Variants in MME observed in about 807,000 individuals in gnomAD.
The protein encoded by MME is membrane metalloendopeptidase, also known as neprilysin.
Under a neutral mutation model 113.2 loss-of-function variants are expected in MME, and 98 were observed. The ratio of observed to expected loss-of-function variants is 0.87; its 90% CI spans 0.74 to 1.02. MME has a LOEUF of 1.02. MME is among the 50% of genes least tolerant of loss of function. The pLI is 0.00. For missense variants in MME, 836 were observed against 896.0 expected (o/e 0.93, Z 0.86); for synonymous variants, 292 against 300.6 (o/e 0.97, Z 0.30).
chr3:155,128,420 T>A (rs1285555235), intron 8 of MME, among the ~76,000 whole-genome samples: 2 of 152,206 alleles, frequency 1.3e-5, no homozygotes, highest in Non-Finnish European at 2.9e-5. Flanking sequence ...TATTTCTGTC[T>A]TGTGTCTTAT....
intron 1 of MME, among the ~76,000 whole-genome samples, chr3:155,026,661 T>C (rs956643531): frequency 6.6e-6 from 1 of 152,056 alleles, no homozygotes; most frequent in Non-Finnish European, 1.5e-5. Flanking sequence ...CAGGCAGAGG[T>C]TGTACTGAGC....
chr3:155,167,141 T>G (rs1723161908), intron 18 of MME, 120 bp downstream of exon 18: 2 of 1,296,708 alleles, frequency 1.5e-6, no homozygotes, highest in Non-Finnish European at 2.2e-6. Context: ...TTCTCTAATT[T>G]TCACCACACT....
intron 20 of MME, among the ~76,000 whole-genome samples, chr3:155,171,407 T>C (rs1309694722): frequency 6.6e-6 from 1 of 152,166 alleles, no homozygotes; most frequent in Non-Finnish European, 1.5e-5. Context: ...TTGTATTAAA[T>C]TGGAAATGAC....
Position 155,181,909 on chromosome 3 carries a change from A to G in MME, c.*1450A>G, listed in dbSNP as rs1451031866. ...GTTCCCTGTCTCTTGAAAAATGCCC[A>G]TTTGCCTTTAAAAAAAAAAGTTACA... On this transcript the variant is annotated 3_prime_UTR_variant, in exon 23 of 23. Coordinates refer to ENST00000360490, the MANE Select transcript of MME (RefSeq NM_007289.4). 6.6e-6 allele frequency: 1 copy of G among 152,034 alleles called. No individual in the cohort carries two copies. The highest frequency in any genetic ancestry group is 1.5e-5 in the Non-Finnish European group (1 of 68,010). 9.4% of individuals were successfully genotyped at this position (152,034 alleles called of 1,614,324 possible). A position where few individuals can be genotyped will look rare whatever the true frequency, so the allele number is the denominator to read the frequency against.
chr3:155,032,633 A>G (rs1713007285), intron 1 of MME, among the ~76,000 whole-genome samples: 1 of 152,196 alleles, frequency 6.6e-6, no homozygotes. Context: ...ATGAACAAAA[A>G]CCATTCGTGC....
chr3:155,067,828 C>G (rs1271894225), intron 1 of MME, among the ~76,000 whole-genome samples: 1 of 152,084 alleles, frequency 6.6e-6, no homozygotes. Flanking sequence ...TTATACAGTA[C>G]TGGTGTGAAA....
chr3:155,078,661 G>GTC (rs1559902023), upstream of MME, among the ~76,000 whole-genome samples: 1 of 118,338 alleles, frequency 8.5e-6, no homozygotes, highest in Non-Finnish European at 1.7e-5. Context: ...GTGTGTGTAT[G>GTC]TGTGTGTGTG....
chr3:155,072,736 A>G (rs1051317734), intron 1 of MME, among the ~76,000 whole-genome samples: 2 of 152,210 alleles, frequency 1.3e-5, no homozygotes, highest in South Asian at 2.1e-4. Context: ...CTGCTACAGA[A>G]TCTTGCACAT....
At chr3:155,050,041 G>T (rs766967162) in intron 1 of MME, among the ~76,000 whole-genome samples, 8 of 152,060 alleles carry the variant, frequency 5.3e-5, no homozygotes, top group Non-Finnish European at 1.2e-4. Context: ...GTGTCCATGT[G>T]TTCTGGTTCT....
chr3:155,089,610 A>T (rs1341866284), intron 3 of MME, among the ~76,000 whole-genome samples: 4 of 152,190 alleles, frequency 2.6e-5, no homozygotes, highest in Admixed American at 2.6e-4. Context: ...CGGTCTCAAG[A>T]TGTTATCAAT....
At chr3:155,133,865 C>G (rs543442983) in intron 8 of MME, among the ~76,000 whole-genome samples, 2 of 148,184 alleles carry the variant, frequency 1.3e-5, no homozygotes, top group East Asian at 4.1e-4. Flanking sequence ...TTGGAAAATT[C>G]GAACTACCAT....
At chr3:155,058,576 T>C (rs1714019159) in intron 1 of MME, among the ~76,000 whole-genome samples, 1 of 152,136 alleles carries the variant, frequency 6.6e-6, no homozygotes, top group Non-Finnish European at 1.5e-5. Context: ...GCATTTAACT[T>C]AATAATTAGG....
At chr3:155,080,160 C>A (rs1714989078), upstream of MME, 1 of 152,376 alleles carries the variant, frequency 6.6e-6, no homozygotes, top group African/African-American at 2.4e-5. Flanking sequence ...AGGTCCAGCG[C>A]GATCCGAGCG....
intron 4 of MME, among the ~76,000 whole-genome samples, chr3:155,115,503 A>G (rs935809418): frequency 2.0e-5 from 3 of 152,192 alleles, no homozygotes; most frequent in Non-Finnish European, 4.4e-5. Context: ...ATCTCGGCTC[A>G]CTGCAACTTC....
intron 16 of MME, among the ~76,000 whole-genome samples, chr3:155,155,513 T>C (rs1349225675): frequency 5.3e-5 from 8 of 152,148 alleles, no homozygotes; most frequent in Admixed American, 4.6e-4. Flanking sequence ...CCCAATGCTA[T>C]ACCAAGGCCC....
intron 1 of MME, chr3:155,080,828 G>A (rs941185201): frequency 5.9e-5 from 9 of 152,168 alleles, no homozygotes; most frequent in Non-Finnish European, 1.5e-5. Context: ...GACTTGCAGC[G>A]TCAGCATTTG....
chr3:155,028,097 T>A (rs990734370), intron 1 of MME, among the ~76,000 whole-genome samples: 18 of 152,212 alleles, frequency 1.2e-4, no homozygotes, highest in African/African-American at 3.1e-4. Flanking sequence ...GACCATCATT[T>A]ATTCATTCAT....
At chr3:155,160,591 A>G in intron 17 of MME, 143 bp downstream of exon 17, 1 of 633,514 alleles carries the variant, frequency 1.6e-6, no homozygotes, top group Non-Finnish European at 2.9e-6. Context: ...TTGAAAGTAA[A>G]TGCATCCGTG....
chr3:155,056,648 G>A (rs1474274876), intron 1 of MME, among the ~76,000 whole-genome samples: 1 of 151,878 alleles, frequency 6.6e-6, no homozygotes, highest in Non-Finnish European at 1.5e-5. Context: ...ACGTGTGCGT[G>A]TGTCTTTATA....
Sources: allele counts gnomAD v4.1 joint callset (sites outside exome capture counted in the v4.1 genomes callset), GRCh38; gene constraint gnomAD v4.1.1; transcripts MANE v1.5; gene names NCBI Gene and HGNC (gene_info 2026-07-23, HGNC 2026-07-21).